The following ARHGAP9 variants were observed in gnomAD, a reference collection of about 807,000 sequenced individuals.
ARHGAP9 encodes the protein rho GTPase-activating protein 9.
A neutral mutation model predicts 87.3 loss-of-function variants in ARHGAP9; 76 were observed. The observed-to-expected ratio is 0.87, with a 90% CI of 0.72 to 1.05. The LOEUF is 1.05. Ranked by LOEUF, ARHGAP9 falls within the 50% of genes least tolerant of loss-of-function variation. The probability of loss-of-function intolerance (pLI) is 0.00; values close to 1 mark genes in which losing one functional copy is unlikely to be tolerated. For missense variants in ARHGAP9, 941 were observed against 960.5 expected, an observed-to-expected ratio of 0.98 and a Z score of 0.27; for synonymous variants, 382 against 394.9, an observed-to-expected ratio of 0.97 and a Z score of 0.39.
rs769951303 is a variant in ARHGAP9, at chr12:57,475,633, C to A, written c.1312-18G>T. 14 of 1,604,802 alleles carry A rather than the reference C, an allele frequency of 8.7e-6. No homozygotes were observed. The highest frequency in any genetic ancestry group is 1.1e-5 in the South Asian group (1 of 90,170). Reference sequence around the variant, plus strand: ...TCCCGATCCTAGACCCGGGGCGGGCCGTGTCGAAGGTGAGAGAGGAGAGAA... The same window carrying A: ...TCCCGATCCTAGACCCGGGGCGGGCAGTGTCGAAGGTGAGAGAGGAGAGAA... On this transcript the variant is annotated intron_variant, in intron 10 of 17. Coordinates refer to ENST00000393791, the MANE Select transcript of ARHGAP9 (RefSeq NM_032496.4).
chr12:57,475,621 C>A lies in ARHGAP9; in HGVS notation c.1312-6G>T, dbSNP rs768693845. ...TCCAGGGGGTTCTCCCGATCCTAGA[C>A]CCGGGGCGGGCCGTGTCGAAGGTGA... On this transcript the variant is annotated splice_region_variant and splice_polypyrimidine_tract_variant and intron_variant, in intron 10 of 17. Coordinates refer to ENST00000393791, the MANE Select transcript of ARHGAP9 (RefSeq NM_032496.4). The A allele has an allele frequency of 6.2e-7, 1 of 1,608,724 alleles. No homozygotes were observed. The highest frequency in any genetic ancestry group is 8.5e-7 in the Non-Finnish European group (1 of 1,177,626).
chr12:57,488,409 A>C, intron 1 of ARHGAP9: 1 of 742,246 alleles, frequency 1.3e-6, no homozygotes, highest in Non-Finnish European at 2.2e-6. Context: ...CCCTTCCCTT[A>C]TCTCTCTCCT....
intron 1 of ARHGAP9, chr12:57,487,531 T>C (rs1382403655): frequency 1.3e-5 from 2 of 152,234 alleles, no homozygotes; most frequent in Admixed American, 6.6e-5. Context: ...AACCTAAACG[T>C]CTCTTCTGGA....
chr12:57,475,991 C>T, intron 9 of ARHGAP9, 60 bp from the exon 10 acceptor site: 1 of 1,541,924 alleles, frequency 6.5e-7, no homozygotes, highest in Non-Finnish European at 8.7e-7. Flanking sequence ...AGCAGGGAGA[C>T]CTAGCGGGAG....
At chr12:57,485,556 G>A (rs1296167140) in intron 1 of ARHGAP9, among the ~76,000 whole-genome samples, 17 of 132,494 alleles carry the variant, frequency 1.3e-4, no homozygotes, top group African/African-American at 1.4e-4. Context: ...GACTCCATCT[G>A]AAAAAAAAAA....
upstream of ARHGAP9, chr12:57,483,991 A>C (rs927932364): frequency 2.3e-6 from 1 of 427,932 alleles, no homozygotes; most frequent in Non-Finnish European, 4.7e-6. Flanking sequence ...CACTGAGCTG[A>C]GATCATGCCA....
At chr12:57,481,197 C>G (rs557784942), upstream of ARHGAP9, among the ~76,000 whole-genome samples, 2 of 152,248 alleles carry the variant, frequency 1.3e-5, no homozygotes, top group South Asian at 4.2e-4. Context: ...TTTAGACAAA[C>G]CTCCCCTTAC....
chr12:57,478,994 G>C lies in ARHGAP9; in HGVS notation c.316+97C>G, dbSNP rs140466368. ...AAGAGAAGATGGTTAGCAGAAGCTT[G>C]AGGGAGGGGGACCTCCCCAAAATTC... On this transcript the variant is annotated intron_variant, in intron 2 of 17. Transcript: ENST00000393791. The C allele has an allele frequency of 5.3e-4, 765 of 1,431,490 alleles. 8 individuals carry two copies. The East Asian group carries it at 0.016, about 30-fold the overall frequency. The allele number at this position is 1,431,490 out of a possible 1,614,324, so 88.7% of individuals were successfully genotyped here.
intron 1 of ARHGAP9, among the ~76,000 whole-genome samples, chr12:57,485,864 T>G (rs1424431590): frequency 6.6e-6 from 1 of 152,150 alleles, no homozygotes; most frequent in African/African-American, 2.4e-5. Flanking sequence ...GATGGGCTGG[T>G]CTGGAAGGCT....
chr12:57,480,002 A>G, upstream of ARHGAP9: 1 of 1,369,852 alleles, frequency 7.3e-7, no homozygotes, highest in Non-Finnish European at 9.4e-7. Context: ...CAGAAAGCCA[A>G]ATAAATACCA....
intron 3 of ARHGAP9, chr12:57,478,000 C>T: frequency 8.6e-7 from 1 of 1,165,262 alleles, no homozygotes; most frequent in Non-Finnish European, 1.1e-6. Context: ...GGGTGCCCCA[C>T]CCTCACATCC....
chr12:57,473,418 TAAATA>T (rs140017000), intron 17 of ARHGAP9, among the ~76,000 whole-genome samples, 180 bp downstream of exon 17: 6,300 of 151,842 alleles, frequency 0.041, 421 homozygotes, highest in African/African-American at 0.14. Flanking sequence ...GTCTCAAAAA[TAAATA>T]AAATAAAAAA....
chr12:57,477,246 T>C lies in ARHGAP9; in HGVS notation c.780A>G (p.Thr260=). ...CATCATTGTTCCTCTTCAGGGTCTG[T>C]GTCCCCTCCATGGAGCCAGGGTTCT... ...SETNPGSMEG[T]QTLKRNNDVL... Residue 260 remains threonine, a synonymous_variant, in exon 5 of 18, where the codon ACA becomes ACG. Transcript: ENST00000393791. 1 of 1,581,134 alleles carries C rather than the reference T, an allele frequency of 6.3e-7. No homozygotes were observed. The highest frequency in any genetic ancestry group is 8.6e-7 in the Non-Finnish European group (1 of 1,163,730).
intron 16 of ARHGAP9, 116 bp downstream of exon 16, chr12:57,473,926 T>C: frequency 6.9e-7 from 1 of 1,439,018 alleles, no homozygotes; most frequent in Non-Finnish European, 9.2e-7. Flanking sequence ...GAGTTGAACA[T>C]TATTTTCCAT....
chr12:57,474,148 C>T lies in ARHGAP9; in HGVS notation c.1812G>A (p.Glu604=), dbSNP rs149363709. ...CGGTGACCACATGAATGTCATCCCA[C>T]TCAGTACTGTCCAAATCTAACCGAC... ...QEGRLDLDST[E]WDDIHVVTGA... Residue 604 remains glutamate, a synonymous_variant, in exon 16 of 18, where the codon GAG becomes GAA. Transcript: ENST00000393791. The T allele has an allele frequency of 6.9e-5, 111 of 1,614,192 alleles. No individual in the cohort carries two copies. Among genetic ancestry groups the T allele is most frequent in the African/African-American group, 5.9e-4 (44 of 75,048 alleles).
At position 57,479,248 on chromosome 12, in the gene ARHGAP9, C is replaced by T. The variant is rs150883763; in HGVS notation, c.159G>A (p.Leu53=). ...VSLAEGDRFL[L]LRKTNSDWWL... ...ACCAGTCGGAGTTGGTCTTTCGAAG[C>T]AGTAGGAACCTATCCCCTTCAGCCA... Residue 53 remains leucine, a synonymous_variant, in exon 2 of 18, where the codon CTG becomes CTA. Transcript: ENST00000393791. 2 of 1,614,072 alleles carry T rather than the reference C, an allele frequency of 1.2e-6. No individual in the cohort carries two copies. The highest frequency in any genetic ancestry group is 1.3e-5 in the African/African-American group (1 of 74,916).
upstream of ARHGAP9, among the ~76,000 whole-genome samples, chr12:57,481,237 T>A (rs1179773532): frequency 2.0e-5 from 3 of 151,870 alleles, no homozygotes; most frequent in Admixed American, 6.6e-5. Context: ...CATATATATG[T>A]CTCTCTCTCT....
upstream of ARHGAP9, among the ~76,000 whole-genome samples, chr12:57,481,860 C>A (rs1875036927): frequency 6.6e-6 from 1 of 152,202 alleles, no homozygotes; most frequent in Non-Finnish European, 1.5e-5. Context: ...AGAAGCCTAT[C>A]TGAGATCCTG....
chr12:57,477,036 G>T (rs762501522), intron 5 of ARHGAP9, 73 bp from the exon 6 acceptor site: 103 of 1,538,894 alleles, frequency 6.7e-5, no homozygotes, highest in South Asian at 1.1e-5. Flanking sequence ...GAGGAAGAGG[G>T]GTGGGATACG....
Sources: gnomAD v4.1 joint callset for allele counts (sites outside exome capture counted in the v4.1 genomes callset) on GRCh38, gnomAD v4.1.1 for gene constraint, MANE v1.5 for transcripts, NCBI Gene and HGNC (gene_info 2026-07-23, HGNC 2026-07-21) for gene names.